Variants in CD109 observed in about 807,000 individuals in gnomAD.
CD109 encodes the protein CD109 antigen.
Under a neutral mutation model 165.8 loss-of-function variants are expected in CD109, and 149 were observed. That is an observed-to-expected ratio of 0.90 (90% CI 0.79 to 1.03). The LOEUF (loss-of-function observed/expected upper bound fraction) is 1.03. Ranked by LOEUF, CD109 falls within the 50% of genes least tolerant of loss-of-function variation. The pLI, the probability that CD109 is intolerant of heterozygous loss-of-function variation, is 0.00. For synonymous variants in CD109, 585 were observed against 592.1 expected, an observed-to-expected ratio of 0.99 and a Z score of 0.18; for missense variants, 1,712 against 1,677.8, an observed-to-expected ratio of 1.02 and a Z score of -0.36.
chr6:73,759,802 T>C (rs188490367), intron 7 of CD109, among the ~76,000 whole-genome samples: 1 of 152,356 alleles, frequency 6.6e-6, no homozygotes, highest in African/African-American at 2.4e-5. Context: ...TTTCGAAGAC[T>C]CTTGAATGAG....
the CD109 span, among the ~76,000 whole-genome samples, chr6:73,686,934 C>T: frequency 6.6e-6 from 1 of 152,188 alleles, no homozygotes; most frequent in Non-Finnish European, 1.5e-5. Context: ...TCAAGTGATC[C>T]ACCCGCCTGG....
intron 6 of CD109, among the ~76,000 whole-genome samples, chr6:73,758,677 CCAGCCT>C (rs1386432533): frequency 2.0e-5 from 3 of 152,168 alleles, no homozygotes; most frequent in Non-Finnish European, 4.4e-5. Context: ...GCCACTACTC[CCAGCCT>C]CATACCTTAA....
chr6:73,704,849 A>G (rs150027729), intron 2 of CD109, among the ~76,000 whole-genome samples: 230 of 152,340 alleles, frequency 1.5e-3, no homozygotes, highest in African/African-American at 5.2e-3. Flanking sequence ...GCAGAAGGCT[A>G]GAGGAGTTTT....
intron 23 of CD109, among the ~76,000 whole-genome samples, chr6:73,801,556 T>C (rs1775360619): frequency 6.6e-6 from 1 of 152,256 alleles, no homozygotes; most frequent in Admixed American, 6.5e-5. Context: ...TTTTTCTTTA[T>C]GCATTTTGTT....
rs772456285 is a variant in CD109 at position 73,785,351 on chromosome 6, G to A, written c.2224-13G>A. On this transcript the variant is annotated splice_polypyrimidine_tract_variant and intron_variant, in intron 19 of 32. Transcript: ENST00000287097. ...ACCTGAATAAAAATATGTACTCGTT[G>A]TGTTCTTTCCAGCTCCAAGCCTTCC... The A allele has an allele frequency of 3.6e-6, 5 of 1,404,038 alleles. No homozygotes were observed. The highest frequency in any genetic ancestry group is 1.4e-5 in the African/African-American group (1 of 70,196). The allele number at this position is 1,404,038 out of a possible 1,614,324, so 87.0% of individuals were successfully genotyped here.
chr6:73,731,442 G>T (rs922736771), intron 4 of CD109, among the ~76,000 whole-genome samples: 4 of 152,218 alleles, frequency 2.6e-5, no homozygotes, highest in Non-Finnish European at 5.9e-5. Context: ...AAGGCCCTGA[G>T]GGGGAGCTTG....
At chr6:73,731,856 T>G (rs1772379624) in intron 4 of CD109, among the ~76,000 whole-genome samples, 1 of 152,262 alleles carries the variant, frequency 6.6e-6, no homozygotes, top group South Asian at 2.1e-4. Flanking sequence ...GAACTGTGTC[T>G]GGCACATAGT....
In CD109 at chr6:73,766,708, C is replaced by G. The variant is rs755455410; in HGVS notation, c.1333-51C>G. 5 of 1,288,652 alleles carry G rather than the reference C, an allele frequency of 3.9e-6. No homozygotes were observed. In the South Asian group the frequency reaches 6.4e-5, roughly 17 times the overall value. The allele number at this position is 1,288,652 out of a possible 1,614,324, so 79.8% of individuals were successfully genotyped here. On this transcript the variant is annotated intron_variant, in intron 11 of 32. Coordinates refer to ENST00000287097, the MANE Select transcript of CD109 (RefSeq NM_133493.5). ...TTGTTCAGCAGGTAACATCTTTTCT[C>G]AAGGTGTTACTAAAGATGAACATTT...
chr6:73,817,203 T>C (rs556580734), intron 30 of CD109, among the ~76,000 whole-genome samples: 37 of 152,324 alleles, frequency 2.4e-4, no homozygotes, highest in Admixed American at 1.6e-3. Flanking sequence ...TGTGGCATGA[T>C]AGTTTAACAA....
rs774388157 is a variant in CD109 at position 73,792,834 on chromosome 6, A to T, written c.2878+32A>T. The T allele has an allele frequency of 3.2e-6, 5 of 1,564,292 alleles. No individual in the cohort carries two copies. In the South Asian group the frequency reaches 5.9e-5, roughly 19 times the overall value. ...ATTTTAGAGACCTACATTTGTTCGT[A>T]GAAAAAAATTTGTTTTTTTCAGGTA... On this transcript the variant is annotated intron_variant, in intron 23 of 32. Coordinates refer to ENST00000287097, the MANE Select transcript of CD109 (RefSeq NM_133493.5).
rs145987245 is a variant in CD109 at position 73,698,934 on chromosome 6, G to T, written c.247+1362G>T. ...GGAAATAATGAAACTGATTTCCCAG[G>T]GCAGTTATAAAGTTAAAATCTGTAT... On this transcript the variant is annotated intron_variant, in intron 2 of 32. Coordinates refer to ENST00000287097, the MANE Select transcript of CD109 (RefSeq NM_133493.5). Among the ~76,000 whole-genome samples, 4 of 152,198 alleles carry T rather than the reference G, an allele frequency of 2.6e-5. No individual in the cohort carries two copies. In the East Asian group the frequency reaches 7.7e-4, roughly 29 times the overall value.
chr6:73,684,308 T>C, the CD109 span, among the ~76,000 whole-genome samples: 1 of 151,154 alleles, frequency 6.6e-6, no homozygotes, highest in East Asian at 2.0e-4. Flanking sequence ...CAAGCTTGGC[T>C]TCTCAGGCTC....
At chr6:73,682,464 C>T in the CD109 span, among the ~76,000 whole-genome samples, 18 of 152,330 alleles carry the variant, frequency 1.2e-4, no homozygotes, top group East Asian at 2.9e-3. Context: ...TGGGCAGTTC[C>T]GCTCCTGTGG....
intron 25 of CD109, among the ~76,000 whole-genome samples, 167 bp downstream of exon 25, chr6:73,807,239 C>G (rs901247102): frequency 2.6e-5 from 4 of 152,080 alleles, no homozygotes; most frequent in African/African-American, 9.7e-5. Context: ...GTTCCAAAAT[C>G]TGAGAATAAA....
intron 22 of CD109, among the ~76,000 whole-genome samples, chr6:73,790,251 T>C (rs1774874094): frequency 6.6e-6 from 1 of 151,358 alleles, no homozygotes; most frequent in Non-Finnish European, 1.5e-5. Context: ...TGTGCCACCA[T>C]GCCCGGCTAA....
the CD109 span, among the ~76,000 whole-genome samples, chr6:73,682,985 C>A: frequency 6.6e-6 from 1 of 152,180 alleles, no homozygotes; most frequent in African/African-American, 2.4e-5. Flanking sequence ...ATCACTTTTT[C>A]CTCCTAAGCT....
chr6:73,812,955 G>T (rs1775804067), intron 29 of CD109, among the ~76,000 whole-genome samples: 1 of 151,986 alleles, frequency 6.6e-6, no homozygotes, highest in African/African-American at 2.4e-5. Context: ...CACTTACTGA[G>T]AAAGTAAAAA....
At chr6:73,762,678 G>A (rs1773680517) in intron 8 of CD109, 63 bp from the exon 9 acceptor site, 2 of 1,371,966 alleles carry the variant, frequency 1.5e-6, no homozygotes, top group African/African-American at 1.4e-5. Context: ...CTTAGTTTGA[G>A]TTTTATTTCT....
Position 73,783,710 on chromosome 6 carries a change from C to T in CD109, c.2109C>T (p.Tyr703=), listed in dbSNP as rs779811652. The T allele has an allele frequency of 1.9e-6, 3 of 1,583,634 alleles. No homozygotes were observed. The South Asian group carries it at 3.3e-5, about 18-fold the overall frequency. The part of the protein sequence containing the change: ...TWIWLDTNMG[Y]RIYQEFEVTV... ...ATATTTATTATCTTGACTTCAGTTA[C>T]AGGATTTACCAAGAATTTGAAGTAA... The change falls in exon 19 of 33, where the codon TAC becomes TAT. Residue 703 remains tyrosine (Y), a synonymous_variant. Transcript: ENST00000287097.
Sources: gnomAD v4.1 joint callset for allele counts (sites outside exome capture counted in the v4.1 genomes callset) on GRCh38, gnomAD v4.1.1 for gene constraint, MANE v1.5 for transcripts, NCBI Gene and HGNC (gene_info 2026-07-23, HGNC 2026-07-21) for gene names.